Variants in REV1 observed in about 807,000 individuals in gnomAD.
REV1 encodes the protein REV1 DNA directed polymerase.
REV1 carries 42 observed loss-of-function variants against 137.4 expected under a neutral mutation model. The ratio of observed to expected loss-of-function variants is 0.31; its 90% CI spans 0.24 to 0.40. The LOEUF (loss-of-function observed/expected upper bound fraction) is 0.40, where lower values mean the gene tolerates loss of function less well. REV1 is among the 10% of genes least tolerant of loss of function. The pLI, the probability that REV1 is intolerant of heterozygous loss-of-function variation, is 1.00. For synonymous variants in REV1, 524 were observed against 519.2 expected (o/e 1.01, Z -0.12); for missense variants, 1,282 against 1,490.1 (o/e 0.86, Z 2.30).
At chr2:99,405,051 TTAA>T (rs1676083928) in intron 17 of REV1, among the ~76,000 whole-genome samples, 1 of 152,192 alleles carries the variant, frequency 6.6e-6, no homozygotes, top group African/African-American at 2.4e-5. Flanking sequence ...GAGGCACATG[TTAA>T]AATTCTGGAC....
rs775560297 is a variant in REV1 at position 99,438,936 on chromosome 2, T to C, written c.878A>G (p.His293Arg). ...TRNTDALRNPHRTNSFSLSPL... is the reference protein window; with the variant it reads ...TRNTDALRNPRRTNSFSLSPL... ...TGATAATGAGAAAGAATTAGTTCTG[T>C]GTGGATTCCGCAAAGCATCTGTGTT... Residue 293 changes from histidine to arginine, a missense_variant, in exon 6 of 23, where the codon CAC becomes CGC. Around this residue, in one of 7 missense-constraint regions of REV1, gnomAD observed 432 missense variants for 438.0 expected, o/e 0.99. Transcript: ENST00000258428. 1.2e-6 allele frequency: 2 copies of C among 1,614,080 alleles called. No individual in the cohort carries two copies. Among genetic ancestry groups the C allele is most frequent in the African/African-American group, 2.7e-5 (2 of 74,948 alleles).
At chr2:99,480,279 C>T (rs1046796322) in intron 1 of REV1, among the ~76,000 whole-genome samples, 1 of 152,118 alleles carries the variant, frequency 6.6e-6, no homozygotes, top group Admixed American at 6.5e-5. Flanking sequence ...GCCATCATCA[C>T]GTCACTGCAC....
intron 4 of REV1, among the ~76,000 whole-genome samples, chr2:99,446,441 T>C (rs1307291611): frequency 6.6e-6 from 1 of 152,184 alleles, no homozygotes; most frequent in Non-Finnish European, 1.5e-5. Context: ...CCTAGGCGCA[T>C]CTGGCAAAAA....
chr2:99,403,689 G>T lies in REV1; in HGVS notation c.3166+6C>A, dbSNP rs1173933915. The stretch of plus-strand genomic sequence containing the variant: ...ATTTTTGTTACATGCCACTTCCAAG[G>T]CTCACCAGATGCGCTGGCTGACTGC... On this transcript the variant is annotated splice_donor_region_variant and intron_variant, in intron 19 of 22. Coordinates refer to ENST00000258428, the MANE Select transcript of REV1 (RefSeq NM_016316.4). 1 of 1,614,054 alleles carries T rather than the reference G, an allele frequency of 6.2e-7. No homozygotes were observed.
chr2:99,444,184 T>G (rs1201667086), intron 4 of REV1, among the ~76,000 whole-genome samples: 1 of 152,226 alleles, frequency 6.6e-6, no homozygotes, highest in Non-Finnish European at 1.5e-5. Context: ...TGGTATTATG[T>G]ATATCAAACT....
At chr2:99,427,241 T>C (rs1329405671) in intron 9 of REV1, among the ~76,000 whole-genome samples, 4 of 152,006 alleles carry the variant, frequency 2.6e-5, no homozygotes, top group Non-Finnish European at 5.9e-5. Context: ...CTAAAATACA[T>C]CCATAAAGTA....
intron 1 of REV1, among the ~76,000 whole-genome samples, chr2:99,475,467 C>G (rs909061149): frequency 1.3e-5 from 2 of 152,178 alleles, no homozygotes; most frequent in Admixed American, 6.5e-5. Flanking sequence ...ATAAATTTTG[C>G]TTCTAAGAGA....
intron 1 of REV1, among the ~76,000 whole-genome samples, chr2:99,479,447 T>C (rs1686364147): frequency 6.6e-6 from 1 of 152,022 alleles, no homozygotes; most frequent in Non-Finnish European, 1.5e-5. Context: ...TCACTTAGAA[T>C]TTACTATAAT....
Position 99,449,323 on chromosome 2 carries a change from A to C in REV1, c.350+13T>G. ...TAAAAATTTATTAATTAAATTTAAT[A>C]AATTAAACTTACCTTTCCACAATCC... On this transcript the variant is annotated intron_variant, in intron 4 of 22. Coordinates refer to ENST00000258428, the MANE Select transcript of REV1 (RefSeq NM_016316.4). The C allele has an allele frequency of 1.4e-6, 2 of 1,417,790 alleles. No individual in the cohort carries two copies. The highest frequency in any genetic ancestry group is 1.9e-6 in the Non-Finnish European group (2 of 1,059,476). 87.8% of individuals were successfully genotyped at this position (1,417,790 alleles called of 1,614,324 possible).
intron 5 of REV1, among the ~76,000 whole-genome samples, chr2:99,440,417 T>C (rs540433297): frequency 2.6e-5 from 4 of 152,294 alleles, no homozygotes; most frequent in African/African-American, 9.6e-5. Context: ...CTCACCCTAA[T>C]ACCAACTTGG....
intron 4 of REV1, 77 bp downstream of exon 4, chr2:99,449,259 T>A (rs561104707): frequency 1.1e-6 from 1 of 909,066 alleles, no homozygotes; most frequent in Non-Finnish European, 1.5e-6. Context: ...AGCGAGACCC[T>A]ATCTCAAAAA....
intron 4 of REV1, 80 bp from the exon 5 acceptor site, chr2:99,442,549 A>C: frequency 7.6e-7 from 1 of 1,314,178 alleles, no homozygotes; most frequent in Non-Finnish European, 1.1e-6. Flanking sequence ...ATGTCCTTAA[A>C]GATACAGTAT....
intron 3 of REV1, among the ~76,000 whole-genome samples, chr2:99,458,336 A>G (rs976628767): frequency 6.6e-6 from 1 of 152,238 alleles, no homozygotes; most frequent in Admixed American, 6.5e-5. Context: ...TAAACACATG[A>G]AAGAATGTTC....
chr2:99,485,191 T>C (rs1337234767), intron 1 of REV1, among the ~76,000 whole-genome samples: 1 of 152,222 alleles, frequency 6.6e-6, no homozygotes, highest in Admixed American at 6.5e-5. Flanking sequence ...ACTGGTATTA[T>C]GCAAGTTCAA....
chr2:99,489,577 G>A (rs1687480683), intron 1 of REV1, among the ~76,000 whole-genome samples: 2 of 148,774 alleles, frequency 1.3e-5, no homozygotes, highest in Admixed American at 1.3e-4. Context: ...GGAAGGGAAG[G>A]GGAGGGGAGG....
intron 6 of REV1, among the ~76,000 whole-genome samples, chr2:99,436,144 C>T (rs2104786290): frequency 6.6e-6 from 1 of 151,976 alleles, no homozygotes; most frequent in African/African-American, 2.4e-5. Flanking sequence ...TCAAAAAGTG[C>T]ATCTTAAAAT....
intron 10 of REV1, 80 bp downstream of exon 10, chr2:99,424,072 T>C (rs1351275573): frequency 2.8e-6 from 4 of 1,429,470 alleles, no homozygotes; most frequent in Non-Finnish European, 3.8e-6. Context: ...CTGACAATCC[T>C]AAAGAAAACT....
At chr2:99,472,942 C>T (rs1685577395) in intron 1 of REV1, among the ~76,000 whole-genome samples, 1 of 152,152 alleles carries the variant, frequency 6.6e-6, no homozygotes, top group African/African-American at 2.4e-5. Context: ...TTGATTCAAC[C>T]TTACAGACCA....
At chr2:99,459,485 C>T (rs773332014) in intron 3 of REV1, among the ~76,000 whole-genome samples, 1 of 152,114 alleles carries the variant, frequency 6.6e-6, no homozygotes, top group Non-Finnish European at 1.5e-5. Context: ...GCAGAAGAAT[C>T]GCTTGAGCCT....
Sources: allele counts gnomAD v4.1 joint callset (sites outside exome capture counted in the v4.1 genomes callset), GRCh38; gene constraint gnomAD v4.1.1; regional missense constraint gnomAD v4.1.1; transcripts MANE v1.5; gene names NCBI Gene and HGNC (gene_info 2026-07-23, HGNC 2026-07-21).